The following GABPB1 variants were observed in gnomAD, a reference collection of about 807,000 sequenced individuals.
The protein encoded by GABPB1 is GA-binding protein subunit beta-1.
In GABPB1, 15 loss-of-function variants were observed where a neutral mutation model predicts 45.9. That is an observed-to-expected ratio of 0.33 (90% CI 0.22 to 0.50). The LOEUF is 0.50. GABPB1 is among the 20% of genes least tolerant of loss of function. The pLI, the probability that GABPB1 is intolerant of heterozygous loss-of-function variation, is 0.98. For synonymous variants in GABPB1, 143 were observed against 154.4 expected, an observed-to-expected ratio of 0.93 and a Z score of 0.55; for missense variants, 252 against 457.5, an observed-to-expected ratio of 0.55 and a Z score of 4.10.
intron 8 of GABPB1, 45 bp downstream of exon 8, chr15:50,286,022 AT>A: frequency 6.3e-7 from 1 of 1,590,282 alleles, no homozygotes; most frequent in Admixed American, 1.8e-5. Context: ...AATTGAATTT[AT>A]TTTGGATGAC....
At chr15:50,315,094 T>C (rs1363864373) in intron 1 of GABPB1, among the ~76,000 whole-genome samples, 1 of 152,250 alleles carries the variant, frequency 6.6e-6, no homozygotes, top group Non-Finnish European at 1.5e-5. Flanking sequence ...AAAACATGAT[T>C]TTTTTGAAAT....
In GABPB1 at chr15:50,278,172, T is replaced by C. The variant is rs1050571; in HGVS notation, c.*460A>G. The C allele has an allele frequency of 0.062, 9,428 of 152,794 alleles. 396 individuals carry two copies. The highest frequency in any genetic ancestry group is 0.087 in the Non-Finnish European group (5,935 of 68,062). 9.5% of individuals were successfully genotyped at this position (152,794 alleles called of 1,614,324 possible). A position where few individuals can be genotyped will look rare whatever the true frequency, so the allele number is the denominator to read the frequency against. Reference sequence around the variant, plus strand: ...GACACAACTTAAAGCTGTACAAAGATTTCCTGGGAGAAATCTTCTCTTCAT... The same window carrying C: ...GACACAACTTAAAGCTGTACAAAGACTTCCTGGGAGAAATCTTCTCTTCAT... On this transcript the variant is annotated 3_prime_UTR_variant, in exon 9 of 9. Transcript: ENST00000380877.
chr15:50,309,233 T>C (rs1283409167), intron 2 of GABPB1, among the ~76,000 whole-genome samples: 2 of 152,168 alleles, frequency 1.3e-5, no homozygotes, highest in East Asian at 1.9e-4. Context: ...GTTGTCAAGA[T>C]CTCATTCCCA....
At chr15:50,335,601 A>T (rs2048089657) in intron 1 of GABPB1, among the ~76,000 whole-genome samples, 1 of 152,168 alleles carries the variant, frequency 6.6e-6, no homozygotes, top group Non-Finnish European at 1.5e-5. Context: ...AATTGTCTTC[A>T]AAAAGAAGAC....
At chr15:50,312,319 T>G (rs1180530613) in intron 1 of GABPB1, among the ~76,000 whole-genome samples, 1 of 152,214 alleles carries the variant, frequency 6.6e-6, no homozygotes, top group Non-Finnish European at 1.5e-5. Context: ...TTAAATACAC[T>G]TCTCTGTGAC....
Position 50,278,598 on chromosome 15 carries a change from C to T in GABPB1, c.*34G>A. On this transcript the variant is annotated 3_prime_UTR_variant, in exon 9 of 9. Coordinates refer to ENST00000380877, the MANE Select transcript of GABPB1 (RefSeq NM_016654.5). ...AGTTCAAGATTGTATTCTTTCTTGA[C>T]CAAAAGTAAAATCAAACTACATGTT... The T allele has an allele frequency of 6.3e-7, 1 of 1,594,242 alleles. No homozygotes were observed. Among genetic ancestry groups the T allele is most frequent in the Non-Finnish European group, 8.6e-7 (1 of 1,167,746 alleles).
Position 50,303,115 on chromosome 15 carries a change from A to G in GABPB1, c.285T>C (p.Ala95=), listed in dbSNP as rs764731412. Residue 95 remains alanine, a synonymous_variant, in exon 4 of 9, where the codon GCT becomes GCC. Coordinates refer to ENST00000380877, the MANE Select transcript of GABPB1 (RefSeq NM_016654.5). ...SIVEVLLKHG[A]DVNAKDMLKM... ...TTAACATGTCCTTTGCATTGACATC[A>G]GCACCATGCTACAAAAATATTTCAA... is the stretch of plus-strand genomic sequence containing the variant. 1 of 1,588,040 alleles carries G rather than the reference A, an allele frequency of 6.3e-7. No homozygotes were observed. The highest frequency in any genetic ancestry group is 8.5e-7 in the Non-Finnish European group (1 of 1,170,764).
chr15:50,314,206 C>T (rs1189942123), intron 1 of GABPB1, among the ~76,000 whole-genome samples: 5 of 148,328 alleles, frequency 3.4e-5, no homozygotes, highest in Admixed American at 6.9e-5. Flanking sequence ...TTTTTTGAGA[C>T]GGAGTCTCGC....
At chr15:50,286,030 T>G in intron 8 of GABPB1, 38 bp downstream of exon 8, 1 of 1,594,612 alleles carries the variant, frequency 6.3e-7, no homozygotes, top group Non-Finnish European at 8.5e-7. Context: ...TTATTTTGGA[T>G]GACTGCGGCA....
chr15:50,282,557 A>AAAG (rs1382743691), intron 8 of GABPB1, among the ~76,000 whole-genome samples: 1 of 145,118 alleles, frequency 6.9e-6, no homozygotes, highest in African/African-American at 2.7e-5. Flanking sequence ...CTGCCTTAAA[A>AAAG]AAGAAAAAAA....
chr15:50,275,567 C>G lies in GABPB1; in HGVS notation c.*3065G>C, dbSNP rs1387128641. 1 of 152,132 alleles carries G rather than the reference C, an allele frequency of 6.6e-6. No homozygotes were observed. Among genetic ancestry groups the G allele is most frequent in the African/African-American group, 2.4e-5 (1 of 41,428 alleles). The allele number at this position is 152,132 out of a possible 1,614,324, so 9.4% of individuals were successfully genotyped here. ...AAATCAAAGCATCATAAATTGGGGA[C>G]CATCTGTGTAGCTTTCATTACATGA... On this transcript the variant is annotated 3_prime_UTR_variant, in exon 9 of 9. Transcript: ENST00000380877.
chr15:50,302,743 C>T (rs2046803409), intron 4 of GABPB1, among the ~76,000 whole-genome samples, 186 bp downstream of exon 4: 1 of 150,344 alleles, frequency 6.7e-6, no homozygotes, highest in Admixed American at 6.6e-5. Context: ...AGAGACTGGC[C>T]TTATAATCAA....
chr15:50,301,028 A>G (rs2046723776), intron 5 of GABPB1, 126 bp from the exon 6 acceptor site: 2 of 780,118 alleles, frequency 2.6e-6, no homozygotes, highest in Non-Finnish European at 4.1e-6. Context: ...GAAAGGTAAT[A>G]CTGCAGTAAA....
intron 7 of GABPB1, 122 bp downstream of exon 7, chr15:50,289,361 A>G: frequency 1.5e-6 from 1 of 647,922 alleles, no homozygotes; most frequent in South Asian, 2.4e-5. Context: ...TTTGGAACAC[A>G]TACCACAATT....
At position 50,354,576 on chromosome 15, in the gene GABPB1, C is replaced by CCGCCCACTGCCAACCTCCAGT. The variant is rs1439457820; in HGVS notation, c.-1+388_-1+408dup. On this transcript the variant is annotated intron_variant, in intron 1 of 8. Coordinates refer to ENST00000380877, the MANE Select transcript of GABPB1 (RefSeq NM_016654.5). The stretch of plus-strand genomic sequence containing the variant: ...AGCCGCGCCTGCCTTCCTCTTTCTC[C>CCGCCCACTGCCAACCTCCAGT]CGCCCACTGCCAACCTCCAGTCGCC... 6 of 448,986 alleles carry CCGCCCACTGCCAACCTCCAGT rather than the reference C, an allele frequency of 1.3e-5. No homozygotes were observed. The East Asian group carries it at 3.0e-4, about 23-fold the overall frequency. 27.8% of individuals were successfully genotyped at this position (448,986 alleles called of 1,614,324 possible).
intron 1 of GABPB1, among the ~76,000 whole-genome samples, chr15:50,310,238 A>T (rs2047084529): frequency 6.6e-6 from 1 of 152,136 alleles, no homozygotes; most frequent in African/African-American, 2.4e-5. Context: ...GACTACAGGC[A>T]TGCACCACCA....
chr15:50,343,641 C>T (rs1489020509), intron 1 of GABPB1, among the ~76,000 whole-genome samples: 2 of 152,018 alleles, frequency 1.3e-5, no homozygotes, highest in Non-Finnish European at 2.9e-5. Context: ...CAGGTTCAAG[C>T]GATTCTCCTG....
chr15:50,323,985 C>T (rs896901843), intron 1 of GABPB1, among the ~76,000 whole-genome samples: 13 of 152,090 alleles, frequency 8.5e-5, no homozygotes, highest in Non-Finnish European at 1.2e-4. Flanking sequence ...GTGGATTGCT[C>T]GAACCCTGGA....
intron 1 of GABPB1, among the ~76,000 whole-genome samples, chr15:50,340,462 C>T (rs1237668667): frequency 6.6e-6 from 1 of 151,406 alleles, no homozygotes; most frequent in African/African-American, 2.4e-5. Flanking sequence ...CACTGCTCCT[C>T]CTTGGCCCAC....
Sources: gnomAD v4.1 joint callset for allele counts (sites outside exome capture counted in the v4.1 genomes callset) on GRCh38, gnomAD v4.1.1 for gene constraint, MANE v1.5 for transcripts, NCBI Gene and HGNC (gene_info 2026-07-23, HGNC 2026-07-21) for gene names.